Variants in GNAS observed in about 807,000 individuals in gnomAD.
GNAS encodes GNAS complex locus, also known as protein ALEX.
A neutral mutation model predicts 54.5 loss-of-function variants in GNAS; 8 were observed. The ratio of observed to expected loss-of-function variants is 0.15; its 90% CI spans 0.09 to 0.26. GNAS has a LOEUF of 0.26. GNAS is among the 10% of genes least tolerant of loss of function. GNAS has a pLI of 1.00. For synonymous variants in GNAS, 204 were observed against 191.4 expected, an observed-to-expected ratio of 1.07 and a Z score of -0.54; for missense variants, 170 against 529.8, an observed-to-expected ratio of 0.32 and a Z score of 6.67.
At chr20:58,898,547 TCTGAC>T (rs2090296270) in intron 2 of GNAS, 1 of 240,458 alleles carries the variant, frequency 4.2e-6, no homozygotes, top group Admixed American at 4.9e-5. Context: ...TTGGGAAGAT[TCTGAC>T]CTGGGAGAAT....
At chr20:58,885,886 T>C (rs2088558154) in intron 1 of GNAS, among the ~76,000 whole-genome samples, 1 of 152,218 alleles carries the variant, frequency 6.6e-6, no homozygotes, top group Non-Finnish European at 1.5e-5. Flanking sequence ...ACAGCTAAAG[T>C]TTCTGTTTCA....
chr20:58,878,917 G>C (rs1332204122), intron 1 of GNAS, among the ~76,000 whole-genome samples: 4 of 151,102 alleles, frequency 2.6e-5, no homozygotes, highest in East Asian at 1.9e-4. Context: ...GCGGGTGGGG[G>C]GGGGAGGGAG....
intron 1 of GNAS, among the ~76,000 whole-genome samples, chr20:58,875,171 T>A (rs2087723730): frequency 6.6e-6 from 1 of 152,186 alleles, no homozygotes; most frequent in African/African-American, 2.4e-5. Context: ...ATTTATAGAA[T>A]TATTAAGTTG....
At chr20:58,847,666 C>G (rs2085987580) in intron 1 of GNAS, among the ~76,000 whole-genome samples, 2 of 152,212 alleles carry the variant, frequency 1.3e-5, no homozygotes, top group South Asian at 2.1e-4. Context: ...CCACCCACCT[C>G]CTCCCTGCAA....
At chr20:58,896,618 G>A (rs977344332) in intron 2 of GNAS, among the ~76,000 whole-genome samples, 14 of 144,048 alleles carry the variant, frequency 9.7e-5, no homozygotes, top group Admixed American at 3.4e-4. Context: ...GTAACAAAAC[G>A]TGTAAAAAAA....
intron 1 of GNAS, among the ~76,000 whole-genome samples, chr20:58,893,277 A>G (rs2145961747): frequency 6.6e-6 from 1 of 152,080 alleles, no homozygotes; most frequent in Non-Finnish European, 1.5e-5. Flanking sequence ...AAAAAAGGTT[A>G]ACTATAAGGA....
chr20:58,909,417 A>C lies in GNAS; in HGVS notation c.653A>C (p.Asn218Thr), dbSNP rs2146272634. Residue 218 changes from asparagine to threonine, a missense_variant, in exon 8 of 13, where the codon AAC becomes ACC. Asn to Thr is a moderately conservative substitution (Grantham distance 65). This residue lies in a region of GNAS where 78 missense variants were observed against 251.1 expected (regional missense o/e 0.31). Transcript: ENST00000371085. This position sits in a 1 kb window ranked among gnomAD's most constrained non-coding sequence, Gnocchi z 7.3. The part of the protein sequence containing the change: ...FETKFQVDKV[N>T]FHMFDVGGQR... ...ACCAAGTTCCAGGTGGACAAAGTCAACTTCCAGTAAGCCAACTGTTACCTT... is the reference window on the plus strand; with the variant it reads ...ACCAAGTTCCAGGTGGACAAAGTCACCTTCCAGTAAGCCAACTGTTACCTT... 6.2e-7 allele frequency: 1 copy of C among 1,613,432 alleles called. No individual in the cohort carries two copies. The highest frequency in any genetic ancestry group is 8.5e-7 in the Non-Finnish European group (1 of 1,179,382).
At chr20:58,882,057 T>G (rs1415029188) in intron 1 of GNAS, among the ~76,000 whole-genome samples, 1 of 152,164 alleles carries the variant, frequency 6.6e-6, no homozygotes, top group Non-Finnish European at 1.5e-5. Flanking sequence ...TTTTCTTTTT[T>G]GTTTGTTTGT....
intron 2 of GNAS, chr20:58,897,373 GTACT>G (rs1375853393): frequency 2.6e-5 from 4 of 152,212 alleles, no homozygotes; most frequent in African/African-American, 7.2e-5. Flanking sequence ...ACTTGCAGGA[GTACT>G]TACTTATTCA....
At position 58,911,154 on chromosome 20, in the gene GNAS, T is replaced by TAA; in HGVS notation, c.*332_*333dup. The TAA allele has an allele frequency of 2.0e-6, 1 of 500,444 alleles. No individual in the cohort carries two copies. Among genetic ancestry groups the TAA allele is most frequent in the South Asian group, 1.8e-5 (1 of 56,896 alleles). The allele number at this position is 500,444 out of a possible 1,614,324, so 31.0% of individuals were successfully genotyped here. On this transcript the variant is annotated 3_prime_UTR_variant, in exon 13 of 13. Coordinates refer to ENST00000371085, the MANE Select transcript of GNAS (RefSeq NM_000516.7). The stretch of plus-strand genomic sequence containing the variant: ...AAATAAATATTGTGTTGTGCAGCAT[T>TAA]AAAAAAAATCAAAATAAAAATTAAA...
chr20:58,910,925 A>T lies in GNAS; in HGVS notation c.*96A>T, dbSNP rs982603488. ...AGTTAATCACCCACCATAGGGCATG[A>T]TTAACAAAGCAACCTTTCCCTTCCC... On this transcript the variant is annotated 3_prime_UTR_variant, in exon 13 of 13. Coordinates refer to ENST00000371085, the MANE Select transcript of GNAS (RefSeq NM_000516.7). The surrounding 1 kb of genome is among the most constrained non-coding windows in gnomAD (Gnocchi z 5.8). 1.6e-6 allele frequency: 2 copies of T among 1,225,198 alleles called. No individual in the cohort carries two copies. Among genetic ancestry groups the T allele is most frequent in the African/African-American group, 3.0e-5 (2 of 67,720 alleles). 75.9% of individuals were successfully genotyped at this position (1,225,198 alleles called of 1,614,324 possible).
chr20:58,860,462 C>G (rs1410813812), intron 1 of GNAS, among the ~76,000 whole-genome samples: 4 of 151,912 alleles, frequency 2.6e-5, no homozygotes, highest in Admixed American at 6.6e-5. Flanking sequence ...CTGCATAGCT[C>G]TATTATAAGT....
chr20:58,891,971 G>A (rs887763827), intron 1 of GNAS, 106 bp downstream of exon 1: 3 of 758,380 alleles, frequency 4.0e-6, no homozygotes, highest in African/African-American at 1.9e-5. Context: ...GCGCTCCCGA[G>A]CCCCCCGCCC....
intron 1 of GNAS, chr20:58,855,267 C>A: frequency 6.3e-7 from 1 of 1,587,342 alleles, no homozygotes; most frequent in South Asian, 1.1e-5. Flanking sequence ...ACGCAGTAAG[C>A]TCATCGACAA....
rs1373437100 is a variant in GNAS at position 58,841,837 on chromosome 20, G to A, written c.43+951G>A. On this transcript the variant is annotated intron_variant, in intron 1 of 12. Transcript: ENST00000306090. The surrounding 1 kb of genome is among the most constrained non-coding windows in gnomAD (Gnocchi z 5.0). ...GGAGACGTCCTGGGCTGTTTGCGCA[G>A]GACCTCTGGAGGCCCTCGAGATCGT... 6.5e-6 allele frequency: 8 copies of A among 1,230,882 alleles called. No homozygotes were observed. Among genetic ancestry groups the A allele is most frequent in the Non-Finnish European group, 8.1e-6 (8 of 987,992 alleles). The allele number at this position is 1,230,882 out of a possible 1,614,324, so 76.2% of individuals were successfully genotyped here.
At chr20:58,885,907 A>T (rs2088559198) in intron 1 of GNAS, among the ~76,000 whole-genome samples, 1 of 152,248 alleles carries the variant, frequency 6.6e-6, no homozygotes, top group African/African-American at 2.4e-5. Context: ...GTGGAAACCT[A>T]TTTATTGTTT....
At chr20:58,858,804 CTTTTT>C (rs2086627864) in intron 1 of GNAS, among the ~76,000 whole-genome samples, 1 of 151,800 alleles carries the variant, frequency 6.6e-6, no homozygotes, top group Admixed American at 6.6e-5. Context: ...CTCTCTCTCT[CTTTTT>C]TAACATACAG....
At chr20:58,840,757 T>A (rs75176432), upstream of GNAS, 13,445 of 1,606,668 alleles carry the variant, frequency 8.4e-3, 72 homozygotes, top group Non-Finnish European at 0.01. This position sits in a 1 kb window ranked among gnomAD's most constrained non-coding sequence, Gnocchi z 6.0. Context: ...AGCAGCGGCG[T>A]CGCTGCAAGC....
chr20:58,839,961 C>A, upstream of GNAS: 2 of 794,014 alleles, frequency 2.5e-6, no homozygotes, highest in South Asian at 1.6e-5. Context: ...CCCTTTTTCT[C>A]CTCACAAGGA....
Sources: allele counts gnomAD v4.1 joint callset (sites outside exome capture counted in the v4.1 genomes callset), GRCh38; gene constraint gnomAD v4.1.1; regional missense constraint gnomAD v4.1.1; non-coding constraint Gnocchi (gnomAD v3.1); transcripts MANE v1.5; gene names NCBI Gene and HGNC (gene_info 2026-07-23, HGNC 2026-07-21).